Variants in RUNDC3B observed in about 807,000 individuals in gnomAD.
RUNDC3B encodes the protein RUN domain-containing protein 3B.
RUNDC3B carries 33 observed loss-of-function variants against 58.4 expected under a neutral mutation model. The observed-to-expected ratio is 0.56, with a 90% CI of 0.43 to 0.75. The LOEUF (loss-of-function observed/expected upper bound fraction) is 0.75, where lower values mean the gene tolerates loss of function less well. Among genes scored for constraint, RUNDC3B ranks in the 30% least tolerant of loss-of-function variants. The pLI, the probability that RUNDC3B is intolerant of heterozygous loss-of-function variation, is 0.00. For missense variants in RUNDC3B, 501 were observed against 535.7 expected (o/e 0.94, Z 0.64); for synonymous variants, 193 against 195.2 (o/e 0.99, Z 0.10).
intron 2 of RUNDC3B, chr7:87,659,146 A>G (rs1824436683): frequency 5.1e-6 from 2 of 394,252 alleles, no homozygotes; most frequent in Non-Finnish European, 9.9e-6. Context: ...TGGGCAATAG[A>G]ATGAGACCCT....
At chr7:87,657,585 AC>A (rs1458877629) in intron 2 of RUNDC3B, among the ~76,000 whole-genome samples, 5 of 151,558 alleles carry the variant, frequency 3.3e-5, no homozygotes, top group Non-Finnish European at 4.4e-5. Flanking sequence ...CTTCCCCAAC[AC>A]CCCCCTTCCC....
At chr7:87,748,716 A>G (rs1261402238) in intron 6 of RUNDC3B, among the ~76,000 whole-genome samples, 2 of 152,296 alleles carry the variant, frequency 1.3e-5, no homozygotes, top group South Asian at 2.1e-4. Context: ...ATGAATTTCT[A>G]AAAAAGAACA....
intron 6 of RUNDC3B, among the ~76,000 whole-genome samples, chr7:87,760,180 G>A (rs1833599802): frequency 6.6e-6 from 1 of 151,766 alleles, no homozygotes; most frequent in Admixed American, 6.6e-5. Context: ...TCTTTAGTTG[G>A]TGTTATCCAA....
In RUNDC3B at chr7:87,830,771, T is replaced by C. The variant is rs1838087862; in HGVS notation, c.*741T>C. On this transcript the variant is annotated 3_prime_UTR_variant, in exon 11 of 11. Transcript: ENST00000394654. Reference sequence around the variant, plus strand: ...TTAAAAGATTATCAATTTAAAAGTATGATCAAGTATGCCTCAAAAACTAGA... The same window carrying C: ...TTAAAAGATTATCAATTTAAAAGTACGATCAAGTATGCCTCAAAAACTAGA... 1 of 151,654 alleles carries C rather than the reference T, an allele frequency of 6.6e-6. No homozygotes were observed. Among genetic ancestry groups the C allele is most frequent in the South Asian group, 2.1e-4 (1 of 4,822 alleles). The allele number at this position is 151,654 out of a possible 1,614,324, so 9.4% of individuals were successfully genotyped here.
At chr7:87,820,417 G>A (rs984322282) in intron 10 of RUNDC3B, among the ~76,000 whole-genome samples, 1 of 152,148 alleles carries the variant, frequency 6.6e-6, no homozygotes, top group Non-Finnish European at 1.5e-5. Context: ...ACCAAAAAGA[G>A]TCCAGGACCA....
At chr7:87,826,605 T>C (rs1837827063) in intron 10 of RUNDC3B, among the ~76,000 whole-genome samples, 1 of 152,102 alleles carries the variant, frequency 6.6e-6, no homozygotes, top group African/African-American at 2.4e-5. Flanking sequence ...GTGGTTGAAT[T>C]AGAAAGGCAA....
intron 8 of RUNDC3B, among the ~76,000 whole-genome samples, chr7:87,782,602 AT>A (rs1226066118): frequency 6.6e-6 from 1 of 152,126 alleles, no homozygotes; most frequent in Non-Finnish European, 1.5e-5. Context: ...TGATGTAAAC[AT>A]TTAGTGATAA....
chr7:87,810,934 T>G (rs1352295480), intron 9 of RUNDC3B, among the ~76,000 whole-genome samples: 1 of 152,172 alleles, frequency 6.6e-6, no homozygotes, highest in African/African-American at 2.4e-5. Context: ...CATGATATAT[T>G]AAATATTTAA....
At chr7:87,694,772 G>A (rs1211746828) in intron 2 of RUNDC3B, among the ~76,000 whole-genome samples, 4 of 152,014 alleles carry the variant, frequency 2.6e-5, no homozygotes, top group East Asian at 3.9e-4. Context: ...AAAACAAAAC[G>A]TTTGTTCTCC....
chr7:87,628,893 C>T lies in RUNDC3B; in HGVS notation c.70C>T (p.Leu24=), dbSNP rs372672361. The T allele has an allele frequency of 1.1e-4, 140 of 1,303,590 alleles. No homozygotes were observed. Among genetic ancestry groups the T allele is most frequent in the Non-Finnish European group, 1.3e-4 (132 of 1,018,626 alleles). 80.8% of individuals were successfully genotyped at this position (1,303,590 alleles called of 1,614,324 possible). ...GGGGGGGKKS[L]SARNAAVERR... is the part of the protein sequence containing the mutation. ...TGGCGGCGGAGGCGGCAAGAAAAGCCTGAGCGCCCGCAATGCTGCGGTGGA... is the reference window on the plus strand; with the variant it reads ...TGGCGGCGGAGGCGGCAAGAAAAGCTTGAGCGCCCGCAATGCTGCGGTGGA... The change falls in exon 1 of 11, where the codon CTG becomes TTG. Residue 24 remains leucine, a synonymous_variant. Transcript: ENST00000394654.
At chr7:87,662,029 C>T (rs1824761780) in intron 2 of RUNDC3B, among the ~76,000 whole-genome samples, 1 of 151,998 alleles carries the variant, frequency 6.6e-6, no homozygotes, top group African/African-American at 2.4e-5. Context: ...TTTCATATAC[C>T]TGTTTGCCAT....
chr7:87,689,189 G>T (rs746196213), intron 2 of RUNDC3B, among the ~76,000 whole-genome samples: 140 of 152,108 alleles, frequency 9.2e-4, no homozygotes, highest in Admixed American at 1.8e-3. Context: ...TTTTTTGAAT[G>T]TCTTCTTTAT....
chr7:87,819,114 G>A (rs1256940293), intron 10 of RUNDC3B, among the ~76,000 whole-genome samples: 1 of 152,100 alleles, frequency 6.6e-6, no homozygotes, highest in East Asian at 1.9e-4. Flanking sequence ...CTGCTTACGG[G>A]CTCTCTGCTG....
At chr7:87,817,354 C>T (rs1260907719) in intron 10 of RUNDC3B, among the ~76,000 whole-genome samples, 1 of 152,182 alleles carries the variant, frequency 6.6e-6, no homozygotes, top group Non-Finnish European at 1.5e-5. Context: ...CCTTTAAAAA[C>T]TTAGATCAGA....
At chr7:87,654,754 C>T (rs765051622) in intron 2 of RUNDC3B, among the ~76,000 whole-genome samples, 2 of 151,962 alleles carry the variant, frequency 1.3e-5, no homozygotes, top group Non-Finnish European at 2.9e-5. Flanking sequence ...ATTACATCAT[C>T]AGAGTAAAGA....
At chr7:87,744,409 T>C (rs1025447508) in intron 6 of RUNDC3B, among the ~76,000 whole-genome samples, 1 of 152,168 alleles carries the variant, frequency 6.6e-6, no homozygotes, top group Non-Finnish European at 1.5e-5. Context: ...GGTAGTATGG[T>C]CATTATTCAC....
intron 10 of RUNDC3B, among the ~76,000 whole-genome samples, chr7:87,828,551 T>C (rs1165931026): frequency 6.6e-6 from 1 of 152,230 alleles, no homozygotes; most frequent in East Asian, 1.9e-4. Context: ...AAGGACATGA[T>C]GTCATTCCTT....
At chr7:87,653,635 G>C (rs1474625688) in intron 2 of RUNDC3B, among the ~76,000 whole-genome samples, 1 of 151,946 alleles carries the variant, frequency 6.6e-6, no homozygotes, top group African/African-American at 2.4e-5. Context: ...ATCATATTGT[G>C]CTTTGGTCTT....
chr7:87,689,335 T>C (rs1015098200), intron 2 of RUNDC3B, among the ~76,000 whole-genome samples: 2 of 152,106 alleles, frequency 1.3e-5, no homozygotes, highest in African/African-American at 4.8e-5. Context: ...TGTCAGAAAA[T>C]TAATGAGACA....
Sources: allele counts gnomAD v4.1 joint callset (sites outside exome capture counted in the v4.1 genomes callset), GRCh38; gene constraint gnomAD v4.1.1; transcripts MANE v1.5; gene names NCBI Gene and HGNC (gene_info 2026-07-23, HGNC 2026-07-21).